The following MGAT4C variants were observed in gnomAD, a reference collection of about 807,000 sequenced individuals.
MGAT4C encodes MGAT4 family member C.
In MGAT4C, 19 loss-of-function variants were observed where a neutral mutation model predicts 40.1. That is an observed-to-expected ratio of 0.47 (90% CI 0.33 to 0.70). The LOEUF is 0.70. Ranked by LOEUF, MGAT4C falls within the 30% of genes least tolerant of loss-of-function variation. The pLI is 0.02. For synonymous variants in MGAT4C, 181 were observed against 187.1 expected, an observed-to-expected ratio of 0.97 and a Z score of 0.27; for missense variants, 491 against 563.2, an observed-to-expected ratio of 0.87 and a Z score of 1.30.
chr12:85,993,879 G>A (rs942500272), intron 2 of MGAT4C, among the ~76,000 whole-genome samples: 2 of 152,206 alleles, frequency 1.3e-5, no homozygotes, highest in African/African-American at 4.8e-5. Context: ...GACAGCAGGA[G>A]GAGGCCAGGT....
At chr12:86,229,216 CA>C (rs1951217173) in intron 1 of MGAT4C, among the ~76,000 whole-genome samples, 2 of 151,784 alleles carry the variant, frequency 1.3e-5, no homozygotes, top group Admixed American at 1.3e-4. Context: ...CACAAAAATA[CA>C]GCAATCTAAG....
intron 4 of MGAT4C, among the ~76,000 whole-genome samples, chr12:86,269,013 CATATATATATATATATATAT>C (rs60328579): frequency 1.2e-3 from 92 of 74,696 alleles, no homozygotes; most frequent in East Asian, 3.1e-3. Flanking sequence ...TTCATACTTA[CATATATATATATATATATAT>C]ATATATATAT....
chr12:86,032,416 C>A (rs1890844047), intron 2 of MGAT4C, among the ~76,000 whole-genome samples: 1 of 134,020 alleles, frequency 7.5e-6, no homozygotes, highest in Non-Finnish European at 1.8e-5. Context: ...TGCAACCTTG[C>A]CAGCATCTGT....
intron 1 of MGAT4C, among the ~76,000 whole-genome samples, chr12:86,771,540 T>C (rs959745133): frequency 2.0e-5 from 3 of 152,004 alleles, no homozygotes; most frequent in African/African-American, 4.8e-5. Context: ...AAAATATATA[T>C]GTCATTGTGT....
intron 1 of MGAT4C, among the ~76,000 whole-genome samples, chr12:86,756,368 G>C (rs1475447815): frequency 6.6e-6 from 1 of 152,026 alleles, no homozygotes. Flanking sequence ...ACCAACCAAA[G>C]GCCTCTGTCT....
At chr12:86,157,333 T>C (rs1468702105) in intron 1 of MGAT4C, among the ~76,000 whole-genome samples, 2 of 152,158 alleles carry the variant, frequency 1.3e-5, no homozygotes, top group African/African-American at 4.8e-5. Context: ...TACATCCATA[T>C]GGAATTTAAA....
At chr12:86,066,547 T>C (rs10431481) in intron 1 of MGAT4C, among the ~76,000 whole-genome samples, 85,587 of 151,924 alleles carry the variant, frequency 0.56, 24,860 homozygotes, top group East Asian at 0.93. Flanking sequence ...TTACACCTTA[T>C]ACAAAAATTA....
chr12:86,636,067 T>C (rs1963211460), intron 2 of MGAT4C, among the ~76,000 whole-genome samples: 1 of 152,038 alleles, frequency 6.6e-6, no homozygotes, highest in Non-Finnish European at 1.5e-5. Flanking sequence ...AGTAACGTGC[T>C]GCACAGGTTT....
chr12:86,132,791 C>CAA (rs60321690), intron 1 of MGAT4C, among the ~76,000 whole-genome samples: 167 of 93,576 alleles, frequency 1.8e-3, no homozygotes, highest in Middle Eastern at 7.1e-3. Flanking sequence ...GACTCCGTCT[C>CAA]AAAAAAAAAA....
chr12:86,365,351 G>C (rs1183295114), intron 3 of MGAT4C, among the ~76,000 whole-genome samples: 3 of 152,028 alleles, frequency 2.0e-5, no homozygotes, highest in Non-Finnish European at 4.4e-5. Flanking sequence ...AAACACACAT[G>C]CTCTACAAAC....
intron 1 of MGAT4C, among the ~76,000 whole-genome samples, chr12:86,732,689 C>T (rs1032664803): frequency 6.6e-6 from 1 of 152,054 alleles, no homozygotes; most frequent in African/African-American, 2.4e-5. Context: ...AGATAAGCTT[C>T]TCTTGCTCTC....
In MGAT4C at chr12:85,983,628, G is replaced by A. The variant is rs1800955728; in HGVS notation, c.190C>T (p.Leu64=). ...GTATGAACATAGCGTTCTGAATTCA[G>A]TTGATGTGTGGATGTTTCCCTTATA... ...QLIRETSTHQ[L]NSERYVHTFK... is the part of the protein sequence containing the mutation. The change falls in exon 4 of 5, where the codon CTG becomes TTG. Residue 64 remains leucine (L), a synonymous_variant. Transcript: ENST00000611864. 1 of 1,597,310 alleles carries A rather than the reference G, an allele frequency of 6.3e-7. No individual in the cohort carries two copies.
chr12:86,513,429 A>C (rs10735249), intron 2 of MGAT4C, among the ~76,000 whole-genome samples: 151,678 of 152,240 alleles, frequency 1, 75,559 homozygotes, highest in Middle Eastern at 1. Flanking sequence ...CAGACTTTTC[A>C]TGACTGGTCT....
chr12:86,112,783 A>T (rs1877691483), intron 1 of MGAT4C, among the ~76,000 whole-genome samples: 1 of 151,788 alleles, frequency 6.6e-6, no homozygotes, highest in Non-Finnish European at 1.5e-5. Flanking sequence ...TAAAGGAAGG[A>T]AGATGGCATT....
intron 1 of MGAT4C, among the ~76,000 whole-genome samples, chr12:86,176,736 A>G (rs1422598752): frequency 1.3e-5 from 2 of 150,958 alleles, no homozygotes; most frequent in African/African-American, 4.9e-5. Flanking sequence ...GAATTTTAGC[A>G]ATGACATTAA....
At chr12:86,355,138 G>T (rs988810508) in intron 3 of MGAT4C, among the ~76,000 whole-genome samples, 1 of 152,128 alleles carries the variant, frequency 6.6e-6, no homozygotes, top group African/African-American at 2.4e-5. Flanking sequence ...CCTCTAGCTA[G>T]CCACAGAGCA....
At chr12:86,196,452 C>T (rs1949809031) in intron 1 of MGAT4C, among the ~76,000 whole-genome samples, 1 of 152,198 alleles carries the variant, frequency 6.6e-6, no homozygotes, top group African/African-American at 2.4e-5. Flanking sequence ...CTGCTGAAAC[C>T]CAGGAGGTGG....
chr12:86,511,038 A>T (rs1478869790), intron 2 of MGAT4C, among the ~76,000 whole-genome samples: 1 of 152,100 alleles, frequency 6.6e-6, no homozygotes, highest in Non-Finnish European at 1.5e-5. Context: ...CAGAATATAC[A>T]TTTTTTTCAG....
In MGAT4C at chr12:86,431,754, C is replaced by T. The variant is rs1957043464; in HGVS notation, c.-120+3403G>A. ...TGCAGCTTGCTGCTGCTTCCCTGCA[C>T]CTTAAGAGGGTATCATGCCACTTTC... On this transcript the variant is annotated intron_variant, in intron 3 of 7. Coordinates refer to the MGAT4C transcript ENST00000548651. Among the ~76,000 whole-genome samples the T allele has an allele frequency of 2.0e-5, 3 of 152,238 alleles. No homozygotes were observed. In the South Asian group the frequency reaches 6.2e-4, roughly 32 times the overall value.
Sources: gnomAD v4.1 joint callset for allele counts (sites outside exome capture counted in the v4.1 genomes callset) on GRCh38, gnomAD v4.1.1 for gene constraint, MANE v1.5 for transcripts, NCBI Gene and HGNC (gene_info 2026-07-23, HGNC 2026-07-21) for gene names.